Variants in NCKAP5 observed in about 807,000 individuals in gnomAD.
NCKAP5 encodes the protein NCK associated protein 5, also known as nck-associated protein 5.
NCKAP5 carries 92 observed loss-of-function variants against 167.0 expected under a neutral mutation model. The ratio of observed to expected loss-of-function variants is 0.55; its 90% confidence interval spans 0.47 to 0.66. The LOEUF is 0.66. Ranked by LOEUF, NCKAP5 falls within the 30% of genes least tolerant of loss-of-function variation. The pLI, the probability that NCKAP5 is intolerant of heterozygous loss-of-function variation, is 0.00. For missense variants in NCKAP5, 2,378 were observed against 2,315.0 expected, an observed-to-expected ratio of 1.03 and a Z score of -0.56; for synonymous variants, 891 against 877.4, an observed-to-expected ratio of 1.02 and a Z score of -0.27.
At chr2:133,107,228 A>C (rs540089608) in intron 6 of NCKAP5, among the ~76,000 whole-genome samples, 1 of 152,258 alleles carries the variant, frequency 6.6e-6, no homozygotes, top group South Asian at 2.1e-4. Context: ...CCTCCTTGTC[A>C]TCATCTAATC....
chr2:132,957,182 T>C (rs560512628), intron 8 of NCKAP5, among the ~76,000 whole-genome samples: 1 of 152,094 alleles, frequency 6.6e-6, no homozygotes, highest in Non-Finnish European at 1.5e-5. Flanking sequence ...CAACAGACAA[T>C]TGCATGCTAA....
chr2:132,677,191 T>C (rs766892532), intron 19 of NCKAP5, among the ~76,000 whole-genome samples: 15 of 152,168 alleles, frequency 9.9e-5, no homozygotes, highest in Admixed American at 5.9e-4. Flanking sequence ...TGGCAACAGT[T>C]GTACAGATGA....
chr2:133,594,878 A>T, the NCKAP5 span, among the ~76,000 whole-genome samples: 1 of 69,364 alleles, frequency 1.4e-5, no homozygotes, highest in Non-Finnish European at 3.2e-5. Flanking sequence ...TCATTTCCTC[A>T]CTTACACATT....
chr2:132,963,955 C>G (rs919013080), intron 7 of NCKAP5, 86 bp from the exon 8 acceptor site: 12 of 1,445,214 alleles, frequency 8.3e-6, no homozygotes, highest in Non-Finnish European at 1.1e-5. Flanking sequence ...GAATCATTCT[C>G]CTGCGTGTGC....
intron 5 of NCKAP5, among the ~76,000 whole-genome samples, chr2:133,145,063 G>A (rs1020010576): frequency 6.6e-6 from 1 of 152,074 alleles, no homozygotes; most frequent in African/African-American, 2.4e-5. Context: ...AATGTTGACA[G>A]ATGCTAACAC....
chr2:132,728,516 T>C (rs1219569606), intron 18 of NCKAP5, among the ~76,000 whole-genome samples: 4 of 152,142 alleles, frequency 2.6e-5, no homozygotes, highest in Non-Finnish European at 4.4e-5. Flanking sequence ...GGCGCCCACA[T>C]GGCTTGGGAG....
chr2:133,065,677 G>A (rs968990245), intron 6 of NCKAP5, among the ~76,000 whole-genome samples: 2 of 152,144 alleles, frequency 1.3e-5, no homozygotes, highest in Admixed American at 6.5e-5. Context: ...GGATAAAGAA[G>A]TGTGATTCAG....
intron 5 of NCKAP5, among the ~76,000 whole-genome samples, chr2:133,133,249 C>A (rs1026203568): frequency 2.6e-5 from 4 of 152,196 alleles, no homozygotes; most frequent in Admixed American, 6.5e-5. Flanking sequence ...GGTTACAAAT[C>A]TGACAGGACC....
chr2:133,418,929 A>T (rs569786030), intron 3 of NCKAP5, among the ~76,000 whole-genome samples: 2 of 152,336 alleles, frequency 1.3e-5, no homozygotes, highest in African/African-American at 4.8e-5. Flanking sequence ...CAATGAAAGA[A>T]AAAAAGCCTT....
the NCKAP5 span, among the ~76,000 whole-genome samples, chr2:133,625,893 A>G: frequency 6.6e-6 from 1 of 151,864 alleles, no homozygotes; most frequent in African/African-American, 2.4e-5. Flanking sequence ...AAAAAGAATA[A>G]TAAGTGCAAC....
chr2:133,141,037 C>T (rs562239765), intron 5 of NCKAP5, among the ~76,000 whole-genome samples: 35 of 152,004 alleles, frequency 2.3e-4, no homozygotes, highest in Non-Finnish European at 4.0e-4. Context: ...TGACCCCCCA[C>T]GACCTTAGTG....
At chr2:132,673,831 A>G (rs1684070128) in intron 19 of NCKAP5, among the ~76,000 whole-genome samples, 1 of 152,194 alleles carries the variant, frequency 6.6e-6, no homozygotes, top group Non-Finnish European at 1.5e-5. Flanking sequence ...TATTTGAAAG[A>G]GATCTCCAGG....
chr2:133,645,004 G>A, the NCKAP5 span, among the ~76,000 whole-genome samples: 1 of 152,142 alleles, frequency 6.6e-6, no homozygotes, highest in East Asian at 1.9e-4. Flanking sequence ...AAAAGCTTGA[G>A]GAGTGGCAGC....
chr2:133,658,411 G>A, the NCKAP5 span, among the ~76,000 whole-genome samples: 1,250 of 152,186 alleles, frequency 8.2e-3, 20 homozygotes, highest in African/African-American at 0.028. Context: ...GTGAAATATC[G>A]AGAGGATGAA....
At chr2:132,760,921 G>A (rs917632422) in intron 16 of NCKAP5, among the ~76,000 whole-genome samples, 1 of 152,090 alleles carries the variant, frequency 6.6e-6, no homozygotes, top group Non-Finnish European at 1.5e-5. Context: ...AACACAACTG[G>A]GACCCTTTTG....
At chr2:132,721,790 G>A (rs1689954647) in intron 19 of NCKAP5, among the ~76,000 whole-genome samples, 1 of 152,202 alleles carries the variant, frequency 6.6e-6, no homozygotes, top group Admixed American at 6.5e-5. Flanking sequence ...ACCTGTGGCT[G>A]TCAGGGTGTG....
chr2:132,732,401 T>C (rs761172680), intron 16 of NCKAP5, among the ~76,000 whole-genome samples: 11 of 152,110 alleles, frequency 7.2e-5, no homozygotes, highest in Non-Finnish European at 1.6e-4. Flanking sequence ...AACCTGCACG[T>C]TGTGCACATG....
chr2:133,464,485 T>A (rs1692413153), intron 3 of NCKAP5, among the ~76,000 whole-genome samples: 1 of 152,076 alleles, frequency 6.6e-6, no homozygotes, highest in Admixed American at 6.6e-5. Flanking sequence ...GTCAGGAGAT[T>A]GAGACCATCC....
chr2:133,171,697 C>A (rs6735119), intron 5 of NCKAP5, among the ~76,000 whole-genome samples: 9,651 of 152,264 alleles, frequency 0.063, 327 homozygotes, highest in African/African-American at 0.076. Context: ...TATGTCAACA[C>A]AATACCACTA....
Sources: allele counts gnomAD v4.1 joint callset (sites outside exome capture counted in the v4.1 genomes callset), GRCh38; gene constraint gnomAD v4.1.1; transcripts MANE v1.5; gene names NCBI Gene and HGNC (gene_info 2026-07-23, HGNC 2026-07-21).